The following MKNK2 variants were observed in gnomAD, a reference collection of about 807,000 sequenced individuals.
MKNK2 encodes MAP kinase-interacting serine/threonine-protein kinase 2.
Under a neutral mutation model 55.0 loss-of-function variants are expected in MKNK2, and 54 were observed. The ratio of observed to expected loss-of-function variants is 0.98; its 90% CI spans 0.79 to 1.23. The LOEUF (loss-of-function observed/expected upper bound fraction) is 1.23. Ranked by LOEUF, MKNK2 falls within the 50% of genes most tolerant of loss-of-function variation. The pLI, the probability that MKNK2 is intolerant of heterozygous loss-of-function variation, is 0.00. For synonymous variants in MKNK2, 323 were observed against 256.0 expected, an observed-to-expected ratio of 1.26 and a Z score of -2.50; for missense variants, 685 against 632.1, an observed-to-expected ratio of 1.08 and a Z score of -0.90.
chr19:2,039,746 C>A lies in MKNK2; in HGVS notation c.1265G>T (p.Gly422Val). Residue 422 changes from glycine (G) to valine (V), a missense_variant, in exon 14 of 14, where the codon GGC becomes GTC. Gly to Val is a moderately radical substitution (Grantham distance 109). Coordinates refer to ENST00000250896, the MANE Select transcript of MKNK2 (RefSeq NM_199054.3). ...DLAEEEAAGQ[G>V]QPVLVRATSR... ...GGTAGCTCGGACCAGGACGGGCTGG[C>A]CCTGCCCCGCGGCCTCCTCCTCAGC... 6.2e-7 allele frequency: 1 copy of A among 1,609,892 alleles called. No individual in the cohort carries two copies. The highest frequency in any genetic ancestry group is 1.3e-5 in the African/African-American group (1 of 75,056).
chr19:2,039,010 G>T lies in MKNK2; in HGVS notation c.*603C>A, dbSNP rs1480162852. 1 of 986,388 alleles carries T rather than the reference G, an allele frequency of 1.0e-6. No individual in the cohort carries two copies. 61.1% of individuals were successfully genotyped at this position (986,388 alleles called of 1,614,324 possible). A position where few individuals can be genotyped will look rare whatever the true frequency, so the allele number is the denominator to read the frequency against. On this transcript the variant is annotated 3_prime_UTR_variant, in exon 14 of 14. Coordinates refer to ENST00000250896, the MANE Select transcript of MKNK2 (RefSeq NM_199054.3). The stretch of plus-strand genomic sequence containing the variant: ...ACAAGGCAGGCGCGGGTGAAGGGCT[G>T]GGGGATCCCATGGGGTGGGTGGGTG...
chr19:2,050,690 G>GC, intron 2 of MKNK2, 111 bp downstream of exon 2: 1 of 1,041,022 alleles, frequency 9.6e-7, no homozygotes, highest in Non-Finnish European at 1.4e-6. Context: ...TGTAGGGCGG[G>GC]GGCCAGGCAC....
Position 2,042,805 on chromosome 19 carries a change from G to A in MKNK2, c.559C>T (p.Gln187Ter). 1.3e-6 allele frequency: 2 copies of A among 1,581,244 alleles called. No homozygotes were observed. Among genetic ancestry groups the A allele is most frequent in the African/African-American group, 1.3e-5 (1 of 74,362 alleles). ...FNELEASVVV[Q>*]DVASALDFLH... is the part of the protein sequence containing the mutation. ...AAGTCCAAGGCGCTGGCCACGTCCT[G>A]CACCACCACGCTGGCCTCCAGCTCG... Residue 187 changes from glutamine to a stop codon, truncating the protein, a stop_gained, in exon 8 of 14, where the codon CAG (glutamine) becomes TAG (stop). Coordinates refer to ENST00000250896, the MANE Select transcript of MKNK2 (RefSeq NM_199054.3). LOFTEE classifies it high-confidence loss of function.
At chr19:2,039,949 CCCCCCTCCCAG>C in intron 13 of MKNK2, 93 bp from the exon 14 acceptor site, 3 of 1,457,422 alleles carry the variant, frequency 2.1e-6, no homozygotes, top group Non-Finnish European at 2.8e-6. Flanking sequence ...GGGCTTCATG[CCCCCCTCCCAG>C]CCCCCACCCT....
Position 2,043,206 on chromosome 19 carries a change from G to C in MKNK2, c.420-9C>G, listed in dbSNP as rs376841753. On this transcript the variant is annotated splice_polypyrimidine_tract_variant and intron_variant, in intron 6 of 13. Transcript: ENST00000250896. Reference sequence around the variant, plus strand: ...TCAGCTCTAGGACGTTCCTGGGGTGGGGGTGGGGGCAGGAGAGGAGCTGAG... The same window carrying C: ...TCAGCTCTAGGACGTTCCTGGGGTGCGGGTGGGGGCAGGAGAGGAGCTGAG... 15 of 1,607,000 alleles carry C rather than the reference G, an allele frequency of 9.3e-6. No homozygotes were observed. The African/African-American group carries it at 1.6e-4, about 17-fold the overall frequency.
rs201492055 is a variant in MKNK2, at chr19:2,043,179, A to T, written c.438T>A (p.Ile146=). 1 of 1,604,536 alleles carries T rather than the reference A, an allele frequency of 6.2e-7. No homozygotes were observed. The change falls in exon 7 of 14, where the codon ATT becomes ATA. Residue 146 remains isoleucine (I), a synonymous_variant. Transcript: ENST00000250896. ...AGCGGTCCTCCTCCTCGAAGAACTC[A>T]ATCAGCTCTAGGACGTTCCTGGGGT... The part of the protein sequence containing the change: ...CQGHRNVLEL[I]EFFEEEDRFY...
At chr19:2,042,056 G>C in intron 10 of MKNK2, 22 bp from the exon 11 acceptor site, 1 of 1,462,330 alleles carries the variant, frequency 6.8e-7, no homozygotes, top group Non-Finnish European at 9.0e-7. Context: ...GGAGGGGCGC[G>C]TCAGCCGGGG....
At chr19:2,042,405 A>G in intron 10 of MKNK2, 22 bp downstream of exon 10, 1 of 1,554,346 alleles carries the variant, frequency 6.4e-7, no homozygotes. Context: ...CCGAGCCCCC[A>G]GCCCTCCCCG....
Position 2,039,743 on chromosome 19 carries a change from TG to T in MKNK2, c.1267del (p.Gln423SerfsTer61). On this transcript the variant is annotated frameshift_variant, in exon 14 of 14. Transcript: ENST00000250896. LOFTEE classifies it high-confidence loss of function. Reference protein sequence around the residue: ...LAEEEAAGQGQPVLVRATSRC... With the variant: ...LAEEEAAGQGXPVLVRATSRC... ...TGAGGTAGCTCGGACCAGGACGGGC[TG>T]GCCCTGCCCCGCGGCCTCCTCCTCA... The T allele has an allele frequency of 6.2e-7, 1 of 1,610,440 alleles. No individual in the cohort carries two copies. The highest frequency in any genetic ancestry group is 8.5e-7 in the Non-Finnish European group (1 of 1,179,790).
intron 10 of MKNK2, 71 bp from the exon 11 acceptor site, chr19:2,042,105 CG>C: frequency 7.4e-7 from 1 of 1,352,856 alleles, no homozygotes; most frequent in Non-Finnish European, 9.7e-7. Context: ...CGGGTAACTG[CG>C]GGTCACCTGC....
intron 5 of MKNK2, among the ~76,000 whole-genome samples, chr19:2,044,380 G>A (rs1212857783): frequency 6.6e-6 from 1 of 152,208 alleles, no homozygotes; most frequent in East Asian, 1.9e-4. Context: ...CAGCCTCCCT[G>A]AGCCCCAGAG....
chr19:2,044,434 C>T (rs983119138), intron 5 of MKNK2, among the ~76,000 whole-genome samples: 2 of 152,226 alleles, frequency 1.3e-5, no homozygotes, highest in South Asian at 4.1e-4. Context: ...CCAGCTGCTC[C>T]CTGCCACCTT....
Position 2,037,745 on chromosome 19 carries a change from A to T in MKNK2, c.*1868T>A. On this transcript the variant is annotated 3_prime_UTR_variant, in exon 14 of 14. Transcript: ENST00000250896. ...CCAGGGTCCTCCAGGATCTTCACTC[A>T]TTCACAGTAACGGTTCTGACCAGTC... 6.3e-7 allele frequency: 1 copy of T among 1,592,614 alleles called. No homozygotes were observed. Among genetic ancestry groups the T allele is most frequent in the South Asian group, 1.1e-5 (1 of 89,288 alleles).
intron 2 of MKNK2, 80 bp downstream of exon 2, chr19:2,050,721 A>G: frequency 7.4e-7 from 1 of 1,359,070 alleles, no homozygotes; most frequent in Non-Finnish European, 1.0e-6. Flanking sequence ...AGCCGATCTT[A>G]GGGGCGGGCC....
chr19:2,040,831 G>A, intron 12 of MKNK2: 1 of 588,940 alleles, frequency 1.7e-6, no homozygotes, highest in Non-Finnish European at 3.0e-6. Context: ...GCTGCTCCTG[G>A]GAGCCGCCTG....
intron 12 of MKNK2, chr19:2,040,539 G>T: frequency 3.1e-6 from 1 of 320,808 alleles, no homozygotes; most frequent in Non-Finnish European, 5.8e-6. Flanking sequence ...GAGATTGGAG[G>T]CCCCCAGCCC....
chr19:2,045,275 C>T (rs7249544), intron 5 of MKNK2, among the ~76,000 whole-genome samples: 5,026 of 152,226 alleles, frequency 0.033, 258 homozygotes, highest in African/African-American at 0.11. Context: ...ACCCCCTGAG[C>T]CTCAGTGTCC....
At chr19:2,043,649 ACT>A in intron 5 of MKNK2, 67 bp from the exon 6 acceptor site, 5 of 1,386,638 alleles carry the variant, frequency 3.6e-6, no homozygotes, top group Non-Finnish European at 1.0e-6. Context: ...GGGGCCAGAA[ACT>A]CCACTGCCAC....
chr19:2,042,225 C>T (rs1052189279), intron 10 of MKNK2, 191 bp from the exon 11 acceptor site: 3 of 719,618 alleles, frequency 4.2e-6, no homozygotes, highest in Non-Finnish European at 6.5e-6. Context: ...CCGCCGCGGC[C>T]CCGCCCCACC....
Sources: allele counts gnomAD v4.1 joint callset (sites outside exome capture counted in the v4.1 genomes callset), GRCh38; gene constraint gnomAD v4.1.1; transcripts MANE v1.5; gene names NCBI Gene and HGNC (gene_info 2026-07-23, HGNC 2026-07-21).